PTPRT: variants seen among roughly 807,000 people sequenced by gnomAD.
PTPRT encodes the protein receptor-type tyrosine-protein phosphatase T.
A neutral mutation model predicts 176.8 loss-of-function variants in PTPRT; 56 were observed. The observed-to-expected ratio is 0.32, with a 90% CI of 0.26 to 0.40. The LOEUF (loss-of-function observed/expected upper bound fraction) is 0.40. Ranked by LOEUF, PTPRT falls within the 10% of genes least tolerant of loss-of-function variation. The pLI is 1.00. For missense variants in PTPRT, 1,540 were observed against 1,908.2 expected (o/e 0.81, Z 3.60); for synonymous variants, 783 against 739.0 (o/e 1.06, Z -0.96).
At chr20:42,937,108 A>G (rs531035518) in intron 1 of PTPRT, among the ~76,000 whole-genome samples, 37 of 152,334 alleles carry the variant, frequency 2.4e-4, no homozygotes, top group African/African-American at 8.7e-4. Context: ...TTATGTGCGC[A>G]TATCATATTA....
rs368311235 is a variant in PTPRT at position 42,184,181 on chromosome 20, T to G, written c.2491+15059A>C. On this transcript the variant is annotated intron_variant, in intron 16 of 30. Coordinates refer to ENST00000373187, the MANE Select transcript of PTPRT (RefSeq NM_007050.6). ...TCCCCATTTTCAAGCAGACACAAGC[T>G]ATCCCTGTTGTAACCTATCCAAACT... Among the ~76,000 whole-genome samples the G allele has an allele frequency of 9.1e-4, 139 of 152,292 alleles. 1 individual carries two copies. Among genetic ancestry groups the G allele is most frequent in the African/African-American group, 3.3e-3 (136 of 41,552 alleles).
chr20:42,157,476 C>T (rs1028010357), intron 17 of PTPRT, among the ~76,000 whole-genome samples: 39 of 151,714 alleles, frequency 2.6e-4, no homozygotes, highest in African/African-American at 8.9e-4. Flanking sequence ...CTCCAGAGTA[C>T]CTAGGGTTAC....
intron 13 of PTPRT, among the ~76,000 whole-genome samples, chr20:42,276,080 C>G (rs920458025): frequency 5.9e-5 from 9 of 152,110 alleles, no homozygotes; most frequent in Middle Eastern, 3.2e-3. Context: ...CCTGGTTGCT[C>G]TAGCTAGATT....
intron 2 of PTPRT, among the ~76,000 whole-genome samples, chr20:42,846,885 T>C (rs1274034753): frequency 1.3e-5 from 2 of 152,202 alleles, no homozygotes; most frequent in Admixed American, 1.3e-4. Context: ...GTAGGTACCC[T>C]AGTGCTGTGG....
chr20:42,737,252 G>A (rs933350043), intron 6 of PTPRT, among the ~76,000 whole-genome samples: 7 of 152,106 alleles, frequency 4.6e-5, no homozygotes. Context: ...AGAGAAGAAG[G>A]CCATGTGACG....
chr20:43,020,594 C>T (rs919905649), intron 1 of PTPRT, among the ~76,000 whole-genome samples: 11 of 152,156 alleles, frequency 7.2e-5, no homozygotes, highest in Admixed American at 2.0e-4. Context: ...AGCACCCTTT[C>T]CACCCCAACC....
chr20:42,775,158 G>A (rs866329760), intron 4 of PTPRT, among the ~76,000 whole-genome samples: 1 of 152,164 alleles, frequency 6.6e-6, no homozygotes. Flanking sequence ...CCACTGAATG[G>A]GCTTAACAGA....
At chr20:42,263,612 C>T (rs1163973972) in intron 13 of PTPRT, among the ~76,000 whole-genome samples, 2 of 151,212 alleles carry the variant, frequency 1.3e-5, no homozygotes, top group African/African-American at 4.9e-5. Flanking sequence ...AACTCCTGAC[C>T]TCATGATCCG....
intron 7 of PTPRT, among the ~76,000 whole-genome samples, chr20:42,589,369 T>C (rs1357731169): frequency 6.6e-6 from 1 of 152,180 alleles, no homozygotes; most frequent in Non-Finnish European, 1.5e-5. Flanking sequence ...AGAGCAAAAA[T>C]GATAAACTCA....
chr20:42,491,724 A>T (rs544588654), intron 7 of PTPRT, among the ~76,000 whole-genome samples: 18 of 152,262 alleles, frequency 1.2e-4, no homozygotes, highest in African/African-American at 4.3e-4. Context: ...CAACTTCCAG[A>T]TCTATGAGAA....
At chr20:42,435,262 A>G (rs79755070) in intron 9 of PTPRT, among the ~76,000 whole-genome samples, 2,993 of 152,296 alleles carry the variant, frequency 0.02, 110 homozygotes, top group African/African-American at 0.067. Flanking sequence ...CTAGACATTT[A>G]TAAAGAAATA....
chr20:42,709,495 T>A (rs1255638868), intron 6 of PTPRT, among the ~76,000 whole-genome samples: 1 of 152,216 alleles, frequency 6.6e-6, no homozygotes, highest in Non-Finnish European at 1.5e-5. Context: ...ATTGGAAGCT[T>A]CCTGGGGCCC....
intron 17 of PTPRT, among the ~76,000 whole-genome samples, chr20:42,143,263 G>C (rs1227491783): frequency 6.6e-6 from 1 of 152,204 alleles, no homozygotes; most frequent in Non-Finnish European, 1.5e-5. Context: ...CTGCTAGAAA[G>C]TTGTGGCAGT....
intron 9 of PTPRT, among the ~76,000 whole-genome samples, chr20:42,447,243 C>T (rs2070749919): frequency 6.6e-6 from 1 of 152,232 alleles, no homozygotes; most frequent in East Asian, 1.9e-4. Flanking sequence ...GTCTGGGATG[C>T]TTGTGTCTTT....
intron 7 of PTPRT, among the ~76,000 whole-genome samples, chr20:42,542,279 A>G (rs960486176): frequency 1.3e-5 from 2 of 152,194 alleles, no homozygotes; most frequent in Non-Finnish European, 2.9e-5. Flanking sequence ...AACTGAAAAA[A>G]GCATAACTCA....
At chr20:42,606,531 T>G (rs1263244283) in intron 7 of PTPRT, among the ~76,000 whole-genome samples, 1 of 152,220 alleles carries the variant, frequency 6.6e-6, no homozygotes, top group African/African-American at 2.4e-5. Flanking sequence ...ACATGTTCAC[T>G]CCATTCTGTC....
chr20:42,745,370 C>T lies in PTPRT; in HGVS notation c.859+11092G>A, dbSNP rs568334692. Among the ~76,000 whole-genome samples the T allele has an allele frequency of 3.9e-5, 6 of 152,284 alleles. No homozygotes were observed. In the South Asian group the frequency reaches 8.3e-4, roughly 21 times the overall value. Reference sequence around the variant, plus strand: ...CCATGGGGCAGGATCTGGGCCAGTACGACTGGCCTTTGGAGCTGGGTCATT... The same window carrying T: ...CCATGGGGCAGGATCTGGGCCAGTATGACTGGCCTTTGGAGCTGGGTCATT... On this transcript the variant is annotated intron_variant, in intron 6 of 30. Coordinates refer to ENST00000373187, the MANE Select transcript of PTPRT (RefSeq NM_007050.6).
At chr20:42,943,768 A>C (rs1980714024) in intron 1 of PTPRT, among the ~76,000 whole-genome samples, 1 of 152,102 alleles carries the variant, frequency 6.6e-6, no homozygotes, top group Non-Finnish European at 1.5e-5. Flanking sequence ...TAATCTCAGC[A>C]CTTTGGGAGG....
chr20:42,149,640 T>C (rs1989034525), intron 17 of PTPRT, among the ~76,000 whole-genome samples: 1 of 152,102 alleles, frequency 6.6e-6, no homozygotes, highest in African/African-American at 2.4e-5. Flanking sequence ...GTCAAGCTGG[T>C]CTCGAACTCC....
Sources: allele counts gnomAD v4.1 joint callset (sites outside exome capture counted in the v4.1 genomes callset), GRCh38; gene constraint gnomAD v4.1.1; transcripts MANE v1.5; gene names NCBI Gene and HGNC (gene_info 2026-07-23, HGNC 2026-07-21).